The following LRMDA variants were observed in gnomAD, a reference collection of about 807,000 sequenced individuals.
LRMDA encodes leucine-rich melanocyte differentiation-associated protein.
A neutral mutation model predicts 29.8 loss-of-function variants in LRMDA; 18 were observed. The observed-to-expected ratio is 0.60, with a 90% CI of 0.42 to 0.90. The LOEUF (loss-of-function observed/expected upper bound fraction) is 0.90, where lower values mean the gene tolerates loss of function less well. LRMDA is among the 40% of genes least tolerant of loss of function. The pLI is 0.00. For missense variants in LRMDA, 273 were observed against 273.9 expected, an observed-to-expected ratio of 1.00 and a Z score of 0.02; for synonymous variants, 125 against 109.4, an observed-to-expected ratio of 1.14 and a Z score of -0.89.
intron 6 of LRMDA, among the ~76,000 whole-genome samples, chr10:76,462,941 C>T (rs1842528207): frequency 6.6e-6 from 1 of 152,234 alleles, no homozygotes; most frequent in Non-Finnish European, 1.5e-5. Context: ...CTCATTCCTT[C>T]TACCCAACCG....
intron 5 of LRMDA, among the ~76,000 whole-genome samples, chr10:76,175,357 A>G (rs1229850707): frequency 1.3e-5 from 2 of 152,244 alleles, no homozygotes; most frequent in African/African-American, 4.8e-5. Flanking sequence ...TAGGATTAAC[A>G]GTACTATCTA....
At chr10:75,538,290 G>GTT (rs1352742859) in intron 2 of LRMDA, among the ~76,000 whole-genome samples, 11 of 152,198 alleles carry the variant, frequency 7.2e-5, no homozygotes, top group African/African-American at 2.7e-4. Flanking sequence ...CACAGAGACT[G>GTT]AAAGCGGTGC....
intron 2 of LRMDA, among the ~76,000 whole-genome samples, chr10:76,020,203 G>C (rs918419618): frequency 3.3e-5 from 5 of 152,210 alleles, no homozygotes; most frequent in Non-Finnish European, 7.3e-5. Context: ...TCTCTCAGCT[G>C]TCTGTACTAT....
chr10:76,122,971 T>G (rs1446170579), intron 5 of LRMDA, among the ~76,000 whole-genome samples: 1 of 152,200 alleles, frequency 6.6e-6, no homozygotes, highest in Non-Finnish European at 1.5e-5. Flanking sequence ...TCTAGGATGA[T>G]CCGAAGGATT....
At chr10:76,370,046 C>T (rs144323226) in intron 6 of LRMDA, among the ~76,000 whole-genome samples, 231 of 152,108 alleles carry the variant, frequency 1.5e-3, no homozygotes, top group African/African-American at 5.3e-3. Context: ...ATAATGAGGT[C>T]CCATAAAAAT....
intron 6 of LRMDA, among the ~76,000 whole-genome samples, chr10:76,461,911 C>T (rs535857198): frequency 3.9e-5 from 6 of 151,928 alleles, no homozygotes; most frequent in Admixed American, 3.3e-4. Context: ...CCCATCTCTA[C>T]GAAAAATACA....
chr10:76,095,664 G>T (rs79754175), intron 5 of LRMDA, among the ~76,000 whole-genome samples: 18,938 of 152,198 alleles, frequency 0.12, 1,468 homozygotes, highest in Admixed American at 0.21. Context: ...ACTTGATATT[G>T]TCAATATCTT....
At chr10:76,118,641 G>A (rs143118803) in intron 5 of LRMDA, among the ~76,000 whole-genome samples, 8 of 152,156 alleles carry the variant, frequency 5.3e-5, no homozygotes, top group Non-Finnish European at 1.2e-4. Context: ...TATCTTGGAG[G>A]AGAAGACCAT....
intron 2 of LRMDA, among the ~76,000 whole-genome samples, chr10:75,956,658 C>G (rs1054861331): frequency 2.0e-5 from 3 of 152,188 alleles, no homozygotes; most frequent in African/African-American, 7.2e-5. Context: ...TACCTGGTTG[C>G]TCTGTCGTTC....
At chr10:75,610,907 C>G (rs772704317) in intron 2 of LRMDA, among the ~76,000 whole-genome samples, 3 of 152,106 alleles carry the variant, frequency 2.0e-5, no homozygotes, top group Non-Finnish European at 2.9e-5. Context: ...GTAAATTTTT[C>G]TTTTTCCTGA....
intron 4 of LRMDA, among the ~76,000 whole-genome samples, chr10:76,055,090 AAAAAG>A (rs1848590775): frequency 4.8e-5 from 7 of 146,418 alleles, no homozygotes; most frequent in African/African-American, 1.5e-4. Context: ...AAAAAAAAAA[AAAAAG>A]AAAAAGAAAA....
At chr10:75,740,422 C>T (rs1024292447) in intron 2 of LRMDA, among the ~76,000 whole-genome samples, 1 of 152,144 alleles carries the variant, frequency 6.6e-6, no homozygotes, top group African/African-American at 2.4e-5. Flanking sequence ...GCAGTTGAGG[C>T]TGACTTTTTG....
rs141570974 is a variant in LRMDA at position 76,522,527 on chromosome 10, G to A, written c.602-34682G>A. On this transcript the variant is annotated intron_variant, in intron 6 of 6. Coordinates refer to ENST00000611255, the MANE Select transcript of LRMDA (RefSeq NM_001305581.2). ...CTCTGCAAATATGTATTGAGCTCTCGCAAGATGCAAAGCCCAGTGTACTGG... is the reference window on the plus strand; with the variant it reads ...CTCTGCAAATATGTATTGAGCTCTCACAAGATGCAAAGCCCAGTGTACTGG... 4.5e-3 allele frequency among the ~76,000 whole-genome samples: 684 copies of A among 152,272 alleles called. 2 individuals carry two copies. Among genetic ancestry groups the A allele is most frequent in the African/African-American group, 0.016 (656 of 41,560 alleles).
intron 5 of LRMDA, among the ~76,000 whole-genome samples, chr10:76,065,099 G>T (rs745972963): frequency 6.6e-6 from 1 of 152,112 alleles, no homozygotes; most frequent in Non-Finnish European, 1.5e-5. Flanking sequence ...AACATTTGCA[G>T]TTTGTTTGTT....
At chr10:75,841,074 G>A (rs572484856) in intron 2 of LRMDA, among the ~76,000 whole-genome samples, 11 of 152,304 alleles carry the variant, frequency 7.2e-5, no homozygotes, top group African/African-American at 2.6e-4. Flanking sequence ...TTCATCTTCA[G>A]CAGAATTCAT....
At chr10:76,205,457 C>T (rs1420163222) in intron 5 of LRMDA, among the ~76,000 whole-genome samples, 1 of 152,118 alleles carries the variant, frequency 6.6e-6, no homozygotes, top group African/African-American at 2.4e-5. Context: ...GTTTTTCTGT[C>T]TGAAACTGGA....
chr10:76,107,703 T>A (rs994861876), intron 5 of LRMDA, among the ~76,000 whole-genome samples: 1 of 152,238 alleles, frequency 6.6e-6, no homozygotes, highest in Non-Finnish European at 1.5e-5. Context: ...TGCCTCAACA[T>A]ACCTGTGTGG....
At chr10:75,531,418 C>T (rs1381155231) in intron 2 of LRMDA, among the ~76,000 whole-genome samples, 1 of 152,164 alleles carries the variant, frequency 6.6e-6, no homozygotes, top group Non-Finnish European at 1.5e-5. Context: ...GTGAGTGTGG[C>T]CTTTTAGGGT....
chr10:75,672,029 T>A (rs1841897296), intron 2 of LRMDA, among the ~76,000 whole-genome samples: 1 of 152,222 alleles, frequency 6.6e-6, no homozygotes, highest in Non-Finnish European at 1.5e-5. Context: ...TCTATTTCTT[T>A]ATGGGTTTGG....
Sources: gnomAD v4.1 joint callset for allele counts (sites outside exome capture counted in the v4.1 genomes callset) on GRCh38, gnomAD v4.1.1 for gene constraint, MANE v1.5 for transcripts, NCBI Gene and HGNC (gene_info 2026-07-23, HGNC 2026-07-21) for gene names.